Variants in DNASE1 observed in about 807,000 individuals in gnomAD.
The protein encoded by DNASE1 is deoxyribonuclease 1.
A neutral mutation model predicts 33.9 loss-of-function variants in DNASE1; 40 were observed. The ratio of observed to expected loss-of-function variants is 1.18; its 90% CI spans 0.92 to 1.54. The LOEUF (loss-of-function observed/expected upper bound fraction) is 1.54, where lower values mean the gene tolerates loss of function less well. DNASE1 is among the 40% of genes most tolerant of loss of function. DNASE1 has a pLI of 0.00. For missense variants in DNASE1, 518 were observed against 372.6 expected (o/e 1.39, Z -3.21); for synonymous variants, 216 against 160.0 (o/e 1.35, Z -2.64).
chr16:3,657,714 C>CATCA lies in DNASE1; in HGVS notation c.705-5_705-2dup. 1 of 1,613,968 alleles carries CATCA rather than the reference C, an allele frequency of 6.2e-7. No individual in the cohort carries two copies. The highest frequency in any genetic ancestry group is 8.5e-7 in the Non-Finnish European group (1 of 1,179,994). On this transcript the variant is annotated splice_polypyrimidine_tract_variant and splice_region_variant and intron_variant, in intron 7 of 8. Coordinates refer to ENST00000246949, the MANE Select transcript of DNASE1 (RefSeq NM_005223.4). ...GAACCTACTTTCTCTTCCCAACACC[C>CATCA]ATCAGGATCGTGGTTGCAGGGATGC... is the stretch of plus-strand genomic sequence containing the variant.
At chr16:3,663,195 G>A in exon 10 of DNASE1, 4 of 674,310 alleles carry the variant, frequency 5.9e-6, no homozygotes, top group Admixed American at 3.0e-5. Flanking sequence ...CTCTCAAGAA[G>A]CTGGGCCAGC....
chr16:3,613,704 A>G (rs1243424208), intron 1 of DNASE1, among the ~76,000 whole-genome samples: 1 of 152,134 alleles, frequency 6.6e-6, no homozygotes, highest in African/African-American at 2.4e-5. Context: ...AGACTGAGTG[A>G]CGACATGGAG....
downstream of DNASE1, chr16:3,661,895 T>C (rs909321688): frequency 6.9e-7 from 1 of 1,459,168 alleles, no homozygotes; most frequent in Non-Finnish European, 9.1e-7. Context: ...CTCACGCACT[T>C]TTCTTCTGTG....
upstream of DNASE1, among the ~76,000 whole-genome samples, chr16:3,650,281 G>C (rs1305428446): frequency 2.0e-5 from 3 of 152,092 alleles, no homozygotes; most frequent in African/African-American, 7.2e-5. Flanking sequence ...AATTTCAGTA[G>C]AAACCACGAG....
Position 3,655,263 on chromosome 16 carries a change from C to G in DNASE1, c.-1-110C>G, listed in dbSNP as rs2042524137. 4.0e-6 allele frequency: 6 copies of G among 1,494,240 alleles called. No individual in the cohort carries two copies. In the East Asian group the frequency reaches 9.3e-5, roughly 23 times the overall value. The allele number at this position is 1,494,240 out of a possible 1,614,324, so 92.6% of individuals were successfully genotyped here. On this transcript the variant is annotated intron_variant, in intron 1 of 8. Coordinates refer to ENST00000246949, the MANE Select transcript of DNASE1 (RefSeq NM_005223.4). ...AAGGGTTTCCCCCGCCTGCGTCCCC[C>G]TGACCTTGAGCTCCACCAGCCCCTG...
chr16:3,663,659 G>A lies in DNASE1; in HGVS notation c.*5706G>A, dbSNP rs543321474. On this transcript the variant is annotated 3_prime_UTR_variant, in exon 10 of 10. Transcript: ENST00000407479. Reference sequence around the variant, plus strand: ...GGCAGGAGGGCTGGGGGAGCCAAGCGGGCCACACTGGGGAACACCGGGGCA... The same window carrying A: ...GGCAGGAGGGCTGGGGGAGCCAAGCAGGCCACACTGGGGAACACCGGGGCA... 82 of 1,503,734 alleles carry A rather than the reference G, an allele frequency of 5.5e-5. 1 individual carries two copies. In the East Asian group the frequency reaches 1.0e-3, roughly 19 times the overall value. 93.1% of individuals were successfully genotyped at this position (1,503,734 alleles called of 1,614,324 possible).
chr16:3,625,315 A>T (rs2041473498), intron 1 of DNASE1, among the ~76,000 whole-genome samples: 1 of 151,874 alleles, frequency 6.6e-6, no homozygotes, highest in African/African-American at 2.4e-5. Context: ...CCAAAACAAA[A>T]AACAATAAAA....
chr16:3,645,175 C>CTTTT (rs1259433747), intron 1 of DNASE1, among the ~76,000 whole-genome samples: 5 of 152,128 alleles, frequency 3.3e-5, no homozygotes, highest in Non-Finnish European at 7.4e-5. Context: ...TCCCTTGCAA[C>CTTTT]TACCACCACA....
At chr16:3,619,265 C>A (rs142169335) in intron 1 of DNASE1, among the ~76,000 whole-genome samples, 1 of 152,084 alleles carries the variant, frequency 6.6e-6, no homozygotes, top group African/African-American at 2.4e-5. Context: ...CAAACTCCTG[C>A]GCTCAAGTGA....
chr16:3,657,462 T>C, intron 7 of DNASE1, 121 bp downstream of exon 7: 2 of 1,374,220 alleles, frequency 1.5e-6, no homozygotes, highest in East Asian at 2.4e-5. Flanking sequence ...CTTCAGTTGA[T>C]CCACTACAGG....
chr16:3,615,835 C>G (rs949816486), intron 1 of DNASE1, among the ~76,000 whole-genome samples: 4 of 152,232 alleles, frequency 2.6e-5, no homozygotes, highest in African/African-American at 9.6e-5. Flanking sequence ...GCATCTTCCA[C>G]TGAGTTCATG....
Position 3,655,449 on chromosome 16 carries a change from G to T in DNASE1, c.76G>T (p.Ala26Ser), listed in dbSNP as rs141673463. The T allele has an allele frequency of 3.7e-6, 6 of 1,614,014 alleles. No homozygotes were observed. In the African/African-American group the frequency reaches 4.0e-5, roughly 11 times the overall value. Residue 26 changes from alanine (A) to serine (S), a missense_variant, in exon 2 of 9, where the codon GCA becomes TCA. Ala to Ser is a moderately conservative substitution (Grantham distance 99). Transcript: ENST00000246949. ...LLQGAVSLKI[A>S]AFNIQTFGET... ...GCAGGGGGCCGTGTCCCTGAAGATC[G>T]CAGCCTTCAACATCCAGACATTTGG... is the stretch of plus-strand genomic sequence containing the variant.
intron 1 of DNASE1, among the ~76,000 whole-genome samples, chr16:3,616,531 G>A (rs2041109276): frequency 7.9e-6 from 1 of 126,832 alleles, no homozygotes; most frequent in Non-Finnish European, 1.7e-5. Context: ...TGAGGCGGGA[G>A]AATCCCTTGA....
upstream of DNASE1, chr16:3,654,214 C>T (rs896242239): frequency 2.5e-5 from 10 of 397,384 alleles, no homozygotes; most frequent in African/African-American, 2.1e-4. Flanking sequence ...TCGGGATCCC[C>T]TGGGCCTAAA....
chr16:3,664,240 C>T (rs1328887039), exon 10 of DNASE1: 10 of 1,507,310 alleles, frequency 6.6e-6, no homozygotes, highest in Non-Finnish European at 8.0e-6. Context: ...CAGGTTGCAG[C>T]CCCCGGAGCC....
At chr16:3,658,678 C>G, downstream of DNASE1, 1 of 1,045,012 alleles carries the variant, frequency 9.6e-7, no homozygotes, top group Non-Finnish European at 1.4e-6. Flanking sequence ...TCTCAAAAAA[C>G]AAACAAACAA....
chr16:3,634,648 G>A (rs2041813844), intron 1 of DNASE1, among the ~76,000 whole-genome samples: 1 of 151,696 alleles, frequency 6.6e-6, no homozygotes, highest in Non-Finnish European at 1.5e-5. Context: ...TAGCTGAGAC[G>A]ACAGGTGTGC....
At chr16:3,663,596 C>A in exon 10 of DNASE1, 1 of 1,611,282 alleles carries the variant, frequency 6.2e-7, no homozygotes, top group East Asian at 2.2e-5. Context: ...CATCAGACCC[C>A]GGGGGCCTCC....
chr16:3,657,125 A>C lies in DNASE1; in HGVS notation c.549+14A>C, dbSNP rs781150236. On this transcript the variant is annotated intron_variant, in intron 6 of 8. Transcript: ENST00000246949. ...TGGGGCTTGGAGGTGAGGCCCTCCC[A>C]GGGGCAGTGGGCACCAGCGGCCTCC... The C allele has an allele frequency of 1.2e-6, 2 of 1,614,064 alleles. No homozygotes were observed. The highest frequency in any genetic ancestry group is 1.1e-5 in the South Asian group (1 of 91,090).
Sources: gnomAD v4.1 joint callset for allele counts (sites outside exome capture counted in the v4.1 genomes callset) on GRCh38, gnomAD v4.1.1 for gene constraint, MANE v1.5 for transcripts, NCBI Gene and HGNC (gene_info 2026-07-23, HGNC 2026-07-21) for gene names.